ZNF169: variants seen among roughly 807,000 people sequenced by gnomAD.
ZNF169 encodes zinc finger protein 169.
In ZNF169, 11 loss-of-function variants were observed where a neutral mutation model predicts 12.0. The observed-to-expected ratio is 0.92, with a 90% CI of 0.58 to 1.52. The LOEUF is 1.52. Ranked by LOEUF, ZNF169 falls within the 40% of genes most tolerant of loss-of-function variation. The probability of loss-of-function intolerance (pLI) is 0.00; values close to 1 mark genes in which losing one functional copy is unlikely to be tolerated. For synonymous variants in ZNF169, 302 were observed against 286.5 expected, an observed-to-expected ratio of 1.05 and a Z score of -0.55; for missense variants, 722 against 744.0, an observed-to-expected ratio of 0.97 and a Z score of 0.34.
chr9:94,271,282 A>G (rs909264580), intron 1 of ZNF169, among the ~76,000 whole-genome samples: 1 of 150,940 alleles, frequency 6.6e-6, no homozygotes, highest in African/African-American at 2.4e-5. Context: ...TTTTTTGTAG[A>G]GATGGGGTTT....
At position 94,301,443 on chromosome 9, in the gene ZNF169, GA is replaced by G. The variant is rs371684843; in HGVS notation, c.*84del. ...TGCTTCAGTTTCCTGAAATGGAATG[GA>G]AAAAAAAAAATGTTGCTTTCTTTCA... On this transcript the variant is annotated 3_prime_UTR_variant, in exon 5 of 5. Coordinates refer to ENST00000395395, the MANE Select transcript of ZNF169 (RefSeq NM_194320.4). 23,601 of 1,035,940 alleles carry G rather than the reference GA, an allele frequency of 0.023. 49 individuals carry two copies. Among genetic ancestry groups the G allele is most frequent in the South Asian group, 0.034 (1,528 of 44,434 alleles). The allele number at this position is 1,035,940 out of a possible 1,614,324, so 64.2% of individuals were successfully genotyped here.
chr9:94,292,507 G>A (rs376618465), intron 3 of ZNF169, 40 bp downstream of exon 3: 10 of 1,588,174 alleles, frequency 6.3e-6, no homozygotes, highest in Non-Finnish European at 8.6e-6. Flanking sequence ...TCTGCTTGTG[G>A]GTATTTTAAG....
At chr9:94,259,491 T>G (rs1297561282) in intron 1 of ZNF169, 146 bp downstream of exon 1, 1 of 152,670 alleles carries the variant, frequency 6.6e-6, no homozygotes, top group African/African-American at 2.4e-5. Context: ...GTTTCGGCTG[T>G]GGGGTCTGGG....
At chr9:94,267,630 G>A (rs1017296750) in intron 1 of ZNF169, among the ~76,000 whole-genome samples, 1 of 152,134 alleles carries the variant, frequency 6.6e-6, no homozygotes, top group Non-Finnish European at 1.5e-5. Flanking sequence ...ACACTGAAAA[G>A]CAAAACAAAG....
chr9:94,284,600 A>C (rs1035750418), intron 2 of ZNF169, among the ~76,000 whole-genome samples: 2 of 152,192 alleles, frequency 1.3e-5, no homozygotes, highest in African/African-American at 4.8e-5. Flanking sequence ...ATTTCTGTAC[A>C]TTTGCAATGA....
chr9:94,292,495 A>G, intron 3 of ZNF169, 28 bp downstream of exon 3: 1 of 1,599,496 alleles, frequency 6.3e-7, no homozygotes, highest in Non-Finnish European at 8.5e-7. Flanking sequence ...AAGGTTTCAG[A>G]TTCTGCTTGT....
intron 1 of ZNF169, among the ~76,000 whole-genome samples, chr9:94,269,727 C>T (rs1362214444): frequency 6.6e-6 from 1 of 152,168 alleles, no homozygotes; most frequent in African/African-American, 2.4e-5. Context: ...ACCAGACCAA[C>T]TCAAAATTAC....
intron 1 of ZNF169, among the ~76,000 whole-genome samples, chr9:94,264,542 T>A (rs571813241): frequency 2.7e-4 from 41 of 152,314 alleles, no homozygotes; most frequent in African/African-American, 8.9e-4. Context: ...AATCCAAGGT[T>A]CCATTTGGCA....
rs553615859 is a variant in ZNF169, at chr9:94,298,869, G to A, written c.257-946G>A. On this transcript the variant is annotated intron_variant, in intron 4 of 4. Transcript: ENST00000395395. The stretch of plus-strand genomic sequence containing the variant: ...GAATTAGTGTTATCTCCAATTGGCA[G>A]CCTATTTAAACCTAGAAACAAAATT... 1.4e-4 allele frequency among the ~76,000 whole-genome samples: 22 copies of A among 152,220 alleles called. No individual in the cohort carries two copies. The East Asian group carries it at 4.1e-3, about 28-fold the overall frequency.
chr9:94,281,415 C>A (rs1830628893), intron 2 of ZNF169, among the ~76,000 whole-genome samples: 1 of 152,076 alleles, frequency 6.6e-6, no homozygotes, highest in South Asian at 2.1e-4. Flanking sequence ...CTGGTAAGCA[C>A]AATATGTTAG....
intron 1 of ZNF169, among the ~76,000 whole-genome samples, chr9:94,265,853 C>G (rs776335667): frequency 4.6e-5 from 7 of 151,932 alleles, no homozygotes; most frequent in Admixed American, 2.0e-4. Context: ...TTGTGGAGAC[C>G]TAGGGAGTTT....
At chr9:94,278,099 A>C (rs1830557715) in intron 1 of ZNF169, among the ~76,000 whole-genome samples, 1 of 152,222 alleles carries the variant, frequency 6.6e-6, no homozygotes, top group African/African-American at 2.4e-5. Flanking sequence ...AGTATGATTT[A>C]TCTCTTAAGA....
chr9:94,285,702 G>A (rs899244747), intron 2 of ZNF169, among the ~76,000 whole-genome samples: 6 of 152,068 alleles, frequency 3.9e-5, no homozygotes. Context: ...AATGCCAATG[G>A]ATTTCTCACA....
intron 2 of ZNF169, among the ~76,000 whole-genome samples, chr9:94,291,729 G>GTACCATTAAAATTACTTAAA (rs1830843483): frequency 6.6e-6 from 1 of 152,094 alleles, no homozygotes; most frequent in Admixed American, 6.6e-5. Flanking sequence ...TTAAAAAAAA[G>GTACCATTAAAATTACTTAAA]AAGAAAGCTG....
Position 94,300,973 on chromosome 9 carries a change from C to T in ZNF169, c.1415C>T (p.Thr472Ile). ...DCGRGFGQKVTLIRHQRTHTG... is the reference protein window; with the variant it reads ...DCGRGFGQKVILIRHQRTHTG... ...GGGCGTGGCTTTGGTCAGAAGGTCA[C>T]CCTCATCAGACACCAGAGGACACAC... The change falls in exon 5 of 5, where the codon ACC (threonine) becomes ATC (isoleucine). Residue 472 changes from threonine (T) to isoleucine (I), a missense_variant. By Grantham distance (89) the Thr-to-Ile change is moderately conservative. Coordinates refer to ENST00000395395, the MANE Select transcript of ZNF169 (RefSeq NM_194320.4). The T allele has an allele frequency of 6.2e-7, 1 of 1,611,566 alleles. No individual in the cohort carries two copies. Among genetic ancestry groups the T allele is most frequent in the Non-Finnish European group, 8.5e-7 (1 of 1,179,248 alleles).
rs941265873 is a variant in ZNF169 at position 94,265,555 on chromosome 9, G to A, written c.-56+6210G>A. On this transcript the variant is annotated intron_variant, in intron 1 of 4. Transcript: ENST00000395395. Reference sequence around the variant, plus strand: ...AGATCGCCCCATTGCACTCCATCCTGGGGGACAGAGCGAGACTCTGTCTCA... The same window carrying A: ...AGATCGCCCCATTGCACTCCATCCTAGGGGACAGAGCGAGACTCTGTCTCA... Among the ~76,000 whole-genome samples, 3 of 150,602 alleles carry A rather than the reference G, an allele frequency of 2.0e-5. No homozygotes were observed. In the Admixed American group the frequency reaches 2.0e-4, roughly 10 times the overall value.
In ZNF169 at chr9:94,293,057, G is replaced by A; in HGVS notation, c.244G>A (p.Asp82Asn). 6.2e-7 allele frequency: 1 copy of A among 1,613,058 alleles called. No homozygotes were observed. The highest frequency in any genetic ancestry group is 1.1e-5 in the South Asian group (1 of 90,754). The change falls in exon 4 of 5, where the codon GAC becomes AAC. Residue 82 changes from aspartate to asparagine, a missense_variant. Transcript: ENST00000395395. ...GAGAGAGGAGAACGAACATCTTCTG[G>A]ACCTTTGTCCAGGTGAGTGGGAAGC... ...PWREENEHLLDLCPEPRTEFQ... is the reference protein window; with the variant it reads ...PWREENEHLLNLCPEPRTEFQ...
At position 94,296,995 on chromosome 9, in the gene ZNF169, C is replaced by T. The variant is rs551070097; in HGVS notation, c.257-2820C>T. On this transcript the variant is annotated intron_variant, in intron 4 of 4. Coordinates refer to ENST00000395395, the MANE Select transcript of ZNF169 (RefSeq NM_194320.4). ...TCGGGAGGCGGAGGTTGCAGTGAGCCGAGATCACACTATTGCACTCCAGCC... is the reference window on the plus strand; with the variant it reads ...TCGGGAGGCGGAGGTTGCAGTGAGCTGAGATCACACTATTGCACTCCAGCC... 75 of 338,142 alleles carry T rather than the reference C, an allele frequency of 2.2e-4. 1 individual carries two copies. Among genetic ancestry groups the T allele is most frequent in the African/African-American group, 6.6e-4 (30 of 45,316 alleles). The allele number at this position is 338,142 out of a possible 1,614,324, so 20.9% of individuals were successfully genotyped here. A position where few individuals can be genotyped will look rare whatever the true frequency, so the allele number is the denominator to read the frequency against.
chr9:94,279,480 C>T (rs760395805), intron 2 of ZNF169, among the ~76,000 whole-genome samples: 11 of 151,332 alleles, frequency 7.3e-5, no homozygotes, highest in Non-Finnish European at 1.6e-4. Context: ...GGGGAAGAGA[C>T]TGCTGTGAAA....
Sources: gnomAD v4.1 joint callset for allele counts (sites outside exome capture counted in the v4.1 genomes callset) on GRCh38, gnomAD v4.1.1 for gene constraint, MANE v1.5 for transcripts, NCBI Gene and HGNC (gene_info 2026-07-23, HGNC 2026-07-21) for gene names.